Variants in WFDC11 observed in about 807,000 individuals in gnomAD.
WFDC11 encodes the protein protein WFDC11.
A neutral mutation model predicts 9.9 loss-of-function variants in WFDC11; 9 were observed. That is an observed-to-expected ratio of 0.91 (90% CI 0.55 to 1.58). The LOEUF (loss-of-function observed/expected upper bound fraction) is 1.58, where lower values mean the gene tolerates loss of function less well. Among genes scored for constraint, WFDC11 ranks in the 40% most tolerant of loss-of-function variants. WFDC11 has a pLI of 0.00. For missense variants in WFDC11, 106 were observed against 101.7 expected (o/e 1.04, Z -0.18); for synonymous variants, 32 against 33.3 (o/e 0.96, Z 0.13).
intron 2 of WFDC11, 127 bp from the exon 3 acceptor site, chr20:45,650,778 C>A (rs1982789804): frequency 1.9e-6 from 1 of 538,058 alleles, no homozygotes. Context: ...AACTGGCACA[C>A]CTAAGCTGAG....
intron 2 of WFDC11, among the ~76,000 whole-genome samples, chr20:45,657,199 G>A (rs1156302539): frequency 1.3e-5 from 2 of 152,074 alleles, no homozygotes; most frequent in Non-Finnish European, 2.9e-5. Flanking sequence ...TCCAACAATG[G>A]TAGACTGAAT....
intron 2 of WFDC11, among the ~76,000 whole-genome samples, chr20:45,657,148 G>A (rs1454897634): frequency 6.6e-6 from 1 of 152,062 alleles, no homozygotes; most frequent in Admixed American, 6.6e-5. Context: ...GTTTATTGAG[G>A]CACTATTCAC....
At chr20:45,668,160 T>C (rs1983224900) in intron 1 of WFDC11, among the ~76,000 whole-genome samples, 1 of 152,168 alleles carries the variant, frequency 6.6e-6, no homozygotes. Context: ...CGATACATCT[T>C]GGGCTTATTC....
At chr20:45,656,120 C>T (rs1030936349) in intron 2 of WFDC11, among the ~76,000 whole-genome samples, 44 of 152,036 alleles carry the variant, frequency 2.9e-4, no homozygotes, top group Admixed American at 2.0e-4. Flanking sequence ...GAGCCCACAT[C>T]GCCAAGTCAA....
At chr20:45,664,280 C>T (rs1014110644) in intron 2 of WFDC11, among the ~76,000 whole-genome samples, 6 of 151,902 alleles carry the variant, frequency 3.9e-5, no homozygotes, top group Non-Finnish European at 5.9e-5. Flanking sequence ...CTTAGTAGAT[C>T]GGCCTCCATC....
rs778485672 is a variant in WFDC11 at position 45,648,735 on chromosome 20, G to A, written c.248C>T (p.Thr83Ile). The stretch of plus-strand genomic sequence containing the variant: ...GCTACGGTTTTAGTAATCTCCACTG[G>A]TTTCCTGTAAAACAAAAAGGTTAGA... ...CGNICWINVETSGDY is the reference protein window; with the variant it reads ...CGNICWINVEISGDY The change falls in exon 5 of 5, where the codon ACC becomes ATC. Residue 83 changes from threonine (T) to isoleucine (I), a missense_variant. Physicochemically the swap from Thr to Ile is moderately conservative, Grantham distance 89. Transcript: ENST00000324384. 10 of 1,613,948 alleles carry A rather than the reference G, an allele frequency of 6.2e-6. No individual in the cohort carries two copies. The Admixed American group carries it at 1.0e-4, about 16-fold the overall frequency.
chr20:45,649,447 A>G, intron 3 of WFDC11, 48 bp from the exon 4 acceptor site: 2 of 1,596,902 alleles, frequency 1.3e-6, no homozygotes, highest in Non-Finnish European at 8.5e-7. Flanking sequence ...GTTTCAGCCA[A>G]GAGCGGAAAG....
intron 2 of WFDC11, among the ~76,000 whole-genome samples, chr20:45,660,190 TCCC>T (rs1983025766): frequency 6.6e-6 from 1 of 152,196 alleles, no homozygotes; most frequent in Non-Finnish European, 1.5e-5. Context: ...CTTTGCTTTA[TCCC>T]AGAGGTTTTG....
chr20:45,654,222 A>G (rs1226572895), intron 2 of WFDC11, among the ~76,000 whole-genome samples: 14 of 152,368 alleles, frequency 9.2e-5, no homozygotes, highest in Admixed American at 3.3e-4. Context: ...AGAAATTATA[A>G]CAAACTGTCT....
chr20:45,662,404 C>T (rs950734750), intron 2 of WFDC11, among the ~76,000 whole-genome samples: 2 of 152,046 alleles, frequency 1.3e-5, no homozygotes, highest in African/African-American at 4.8e-5. Flanking sequence ...ATTGAATACA[C>T]TTTATTTCCT....
chr20:45,653,913 G>A (rs1006503525), intron 2 of WFDC11, among the ~76,000 whole-genome samples: 2 of 152,146 alleles, frequency 1.3e-5, no homozygotes, highest in Non-Finnish European at 2.9e-5. Context: ...CAAAACAGGA[G>A]CACCCAGATT....
At chr20:45,660,920 G>C (rs538502761) in intron 2 of WFDC11, among the ~76,000 whole-genome samples, 6 of 152,180 alleles carry the variant, frequency 3.9e-5, no homozygotes, top group Non-Finnish European at 8.8e-5. Context: ...ATATTCCTTT[G>C]GGTATATACC....
chr20:45,657,570 A>G (rs1240903642), intron 2 of WFDC11, among the ~76,000 whole-genome samples: 2 of 152,118 alleles, frequency 1.3e-5, no homozygotes, highest in Admixed American at 6.5e-5. Flanking sequence ...GTACCCTAAA[A>G]CTTAAAGTAT....
chr20:45,668,150 C>T (rs1378618948), intron 1 of WFDC11, among the ~76,000 whole-genome samples: 1 of 152,130 alleles, frequency 6.6e-6, no homozygotes, highest in Non-Finnish European at 1.5e-5. Flanking sequence ...CTCAGAGCCA[C>T]GATACATCTT....
chr20:45,657,309 C>A (rs1982954972), intron 2 of WFDC11, among the ~76,000 whole-genome samples: 1 of 151,830 alleles, frequency 6.6e-6, no homozygotes, highest in South Asian at 2.1e-4. Context: ...TAGAAACCAT[C>A]ATTCTCAGCA....
intron 2 of WFDC11, among the ~76,000 whole-genome samples, chr20:45,655,985 T>C (rs971243249): frequency 6.6e-6 from 1 of 152,040 alleles, no homozygotes; most frequent in African/African-American, 2.4e-5. Context: ...GAAGAATCAA[T>C]ATCGAGAAAA....
intron 2 of WFDC11, among the ~76,000 whole-genome samples, chr20:45,664,940 T>C (rs897444263): frequency 6.6e-6 from 1 of 152,210 alleles, no homozygotes; most frequent in Admixed American, 6.5e-5. Flanking sequence ...TTCTCGTATT[T>C]CCTGAATTTG....
At chr20:45,650,450 G>T in intron 3 of WFDC11, 51 bp downstream of exon 3, 1 of 1,489,454 alleles carries the variant, frequency 6.7e-7, no homozygotes. Context: ...CCCTTGTTCA[G>T]AAACAAGCTC....
At chr20:45,665,123 C>T (rs1254070825) in intron 2 of WFDC11, among the ~76,000 whole-genome samples, 1 of 152,138 alleles carries the variant, frequency 6.6e-6, no homozygotes, top group Non-Finnish European at 1.5e-5. Flanking sequence ...TCTTTTTACT[C>T]TTTTTTCTCT....
Sources: allele counts gnomAD v4.1 joint callset (sites outside exome capture counted in the v4.1 genomes callset), GRCh38; gene constraint gnomAD v4.1.1; transcripts MANE v1.5; gene names NCBI Gene and HGNC (gene_info 2026-07-23, HGNC 2026-07-21).